PER3: variants seen among roughly 807,000 people sequenced by gnomAD.
The protein encoded by PER3 is period circadian regulator 3.
A neutral mutation model predicts 127.2 loss-of-function variants in PER3; 107 were observed. The ratio of observed to expected loss-of-function variants is 0.84; its 90% confidence interval spans 0.72 to 0.99. The LOEUF is 0.99. PER3 is among the 50% of genes least tolerant of loss of function. PER3 has a pLI of 0.00. For missense variants in PER3, 1,560 were observed against 1,525.8 expected (o/e 1.02, Z -0.37); for synonymous variants, 618 against 585.8 (o/e 1.05, Z -0.79).
At chr1:7,825,975 A>C (rs954156983) in intron 16 of PER3, among the ~76,000 whole-genome samples, 3 of 151,970 alleles carry the variant, frequency 2.0e-5, no homozygotes, top group Non-Finnish European at 4.4e-5. Flanking sequence ...TGGGAGGCTA[A>C]GGCAGAATCG....
chr1:7,787,215 T>TC, intron 4 of PER3: 1 of 893,058 alleles, frequency 1.1e-6, no homozygotes, highest in African/African-American at 1.8e-5. Flanking sequence ...ACCTACTACT[T>TC]CAAGTTGTAA....
In PER3 at chr1:7,820,191, G is replaced by T. The variant is rs144941346; in HGVS notation, c.1735G>T (p.Glu579Ter). 10 of 1,613,884 alleles carry T rather than the reference G, an allele frequency of 6.2e-6. No homozygotes were observed. The highest frequency in any genetic ancestry group is 6.8e-6 in the Non-Finnish European group (8 of 1,179,794). Residue 579 changes from glutamate to a stop codon, truncating the protein, a stop_gained, in exon 15 of 22, where the codon GAA (glutamate) becomes TAA (stop). Transcript: ENST00000377532. LOFTEE classifies it high-confidence loss of function. Reference protein sequence around the residue: ...SCTNTTSSSSEEDKQNHKADD... With the variant: ...SCTNTTSSSS ...TACAAATACAACTTCTTCCTCCTCA[G>T]AAGAAGACAAACAGAACCACAAGGC... is the stretch of plus-strand genomic sequence containing the variant.
rs775729547 is a variant in PER3 at position 7,785,008 on chromosome 1, G to C, written c.128+3G>C. ...AAATTGGCGGACAGCAGCCACAGGT[G>C]ACGCGCTGGCTTCAGGCCGAGGGCC... On this transcript the variant is annotated splice_donor_region_variant and intron_variant, in intron 2 of 21. Transcript: ENST00000377532. 6.4e-7 allele frequency: 1 copy of C among 1,572,792 alleles called. No homozygotes were observed. The highest frequency in any genetic ancestry group is 8.6e-7 in the Non-Finnish European group (1 of 1,165,910).
At chr1:7,837,489 G>A (rs181563461) in intron 21 of PER3, among the ~76,000 whole-genome samples, 120 of 152,244 alleles carry the variant, frequency 7.9e-4, no homozygotes, top group Non-Finnish European at 1.4e-3. Context: ...CATTTGTTAT[G>A]TATTTCAAAT....
At chr1:7,808,317 C>T (rs935440272) in intron 10 of PER3, among the ~76,000 whole-genome samples, 1 of 151,428 alleles carries the variant, frequency 6.6e-6, no homozygotes, top group Non-Finnish European at 1.5e-5. Context: ...AGTTCCTTCC[C>T]TTCTTTGTAA....
intron 10 of PER3, among the ~76,000 whole-genome samples, chr1:7,806,113 A>C (rs1163501788): frequency 1.3e-5 from 2 of 152,226 alleles, no homozygotes; most frequent in Non-Finnish European, 2.9e-5. Context: ...TGGGAGAGAC[A>C]GTAAATAAAA....
At chr1:7,787,367 C>A in intron 4 of PER3, 1 of 295,196 alleles carries the variant, frequency 3.4e-6, no homozygotes, top group Non-Finnish European at 6.7e-6. Context: ...GTGGAGATTA[C>A]TTATTTTAAG....
At chr1:7,796,048 G>T (rs2097143835) in intron 6 of PER3, among the ~76,000 whole-genome samples, 1 of 152,176 alleles carries the variant, frequency 6.6e-6, no homozygotes, top group Non-Finnish European at 1.5e-5. Flanking sequence ...GAATCCCTTT[G>T]GGTTGGCCCC....
Position 7,829,924 on chromosome 1 carries a change from CATCCTACT to C in PER3, c.2978_2985del (p.His993ArgfsTer87). On this transcript the variant is annotated frameshift_variant, in exon 19 of 22. Coordinates refer to ENST00000377532, the MANE Select transcript of PER3 (RefSeq NM_001377275.1). LOFTEE classifies it high-confidence loss of function. ...GTCACCTCCCAGGGAGAATCCATCCCATCCTACTGCCAGCGCTCTGTCCACAGGATCGC... is the reference window on the plus strand; with the variant it reads ...GTCACCTCCCAGGGAGAATCCATCCCGCCAGCGCTCTGTCCACAGGATCGC... 1.5e-6 allele frequency: 2 copies of C among 1,296,792 alleles called. No individual in the cohort carries two copies. Among genetic ancestry groups the C allele is most frequent in the Non-Finnish European group, 9.9e-7 (1 of 1,006,980 alleles). 80.3% of individuals were successfully genotyped at this position (1,296,792 alleles called of 1,614,324 possible).
chr1:7,840,708 C>T (rs967078972), intron 21 of PER3, among the ~76,000 whole-genome samples: 2 of 152,070 alleles, frequency 1.3e-5, no homozygotes, highest in Non-Finnish European at 1.5e-5. Context: ...GCAGCCTCTA[C>T]CTCCTGGTCC....
chr1:7,832,611 G>A (rs2097337205), intron 19 of PER3, among the ~76,000 whole-genome samples: 1 of 151,940 alleles, frequency 6.6e-6, no homozygotes, highest in African/African-American at 2.4e-5. Flanking sequence ...CTGATCTCAT[G>A]ATTCGCCCGC....
chr1:7,793,959 G>A lies in PER3; in HGVS notation c.595G>A (p.Ala199Thr). The A allele has an allele frequency of 6.2e-7, 1 of 1,613,844 alleles. No individual in the cohort carries two copies. The highest frequency in any genetic ancestry group is 8.5e-7 in the Non-Finnish European group (1 of 1,179,706). ...TGACCAGGCATCTTTCTTTCTAGCA[G>A]CTGCACGGTATGAATGTGCTCCGGT... ...PFWNNWTQRA[A>T]ARYECAPVKP... Residue 199 changes from alanine to threonine, a missense_variant and splice_region_variant, in exon 6 of 22, where the codon GCT becomes ACT. Ala to Thr is a moderately conservative substitution (Grantham distance 58, BLOSUM62 0). Coordinates refer to ENST00000377532, the MANE Select transcript of PER3 (RefSeq NM_001377275.1).
intron 13 of PER3, among the ~76,000 whole-genome samples, chr1:7,817,700 A>C (rs2097257953): frequency 6.6e-6 from 1 of 152,136 alleles, no homozygotes. Flanking sequence ...TAATATACAG[A>C]GGGATGGATA....
At chr1:7,817,847 G>A (rs996747993) in intron 13 of PER3, among the ~76,000 whole-genome samples, 4 of 152,168 alleles carry the variant, frequency 2.6e-5, no homozygotes, top group South Asian at 2.1e-4. Context: ...GAATACTTGC[G>A]TGATCTCAAA....
intron 13 of PER3, among the ~76,000 whole-genome samples, chr1:7,817,916 A>G (rs762627866): frequency 1.6e-4 from 25 of 152,214 alleles, no homozygotes; most frequent in Non-Finnish European, 2.9e-4. Flanking sequence ...ACACAGGACA[A>G]ACAAACCTGA....
intron 4 of PER3, among the ~76,000 whole-genome samples, 199 bp downstream of exon 4, chr1:7,787,035 TG>T (rs1407324107): frequency 6.6e-6 from 1 of 152,252 alleles, no homozygotes; most frequent in East Asian, 1.9e-4. Context: ...CAGCCCGTTC[TG>T]TGTGCTGTGC....
chr1:7,801,767 T>A (rs189039790), intron 8 of PER3, among the ~76,000 whole-genome samples: 1 of 152,322 alleles, frequency 6.6e-6, no homozygotes, highest in Non-Finnish European at 1.5e-5. Flanking sequence ...TAATGCTGTT[T>A]TTTAGTATCT....
rs752542470 is a variant in PER3, at chr1:7,827,686, C to T, written c.2757C>T (p.Ser919=). 13 of 1,614,112 alleles carry T rather than the reference C, an allele frequency of 8.1e-6. No individual in the cohort carries two copies. Among genetic ancestry groups the T allele is most frequent in the South Asian group, 1.1e-5 (1 of 91,086 alleles). ...RREEEKWEAQ[S]EGHPFITSRS... ...AGGAGGAAAAGTGGGAGGCACAAAG[C>T]GAGGGGCACCCGTTCATTACTTCGA... The change falls in exon 18 of 22, where the codon AGC becomes AGT. Residue 919 remains serine, a synonymous_variant. Coordinates refer to ENST00000377532, the MANE Select transcript of PER3 (RefSeq NM_001377275.1).
In PER3 at chr1:7,784,805, C is replaced by T; in HGVS notation, c.-73C>T. On this transcript the variant is annotated 5_prime_UTR_variant, in exon 2 of 22. Coordinates refer to ENST00000377532, the MANE Select transcript of PER3 (RefSeq NM_001377275.1). ...CGGAGTGAGAAACCGGTGTCTGTCA[C>T]TGACTGCAAAGTGAGCGAGAAGCAG... 1.5e-6 allele frequency: 2 copies of T among 1,371,398 alleles called. No homozygotes were observed. The highest frequency in any genetic ancestry group is 1.9e-6 in the Non-Finnish European group (2 of 1,067,864). 85.0% of individuals were successfully genotyped at this position (1,371,398 alleles called of 1,614,324 possible).
Sources: gnomAD v4.1 joint callset for allele counts (sites outside exome capture counted in the v4.1 genomes callset) on GRCh38, gnomAD v4.1.1 for gene constraint, MANE v1.5 for transcripts, NCBI Gene and HGNC (gene_info 2026-07-23, HGNC 2026-07-21) for gene names.